The following SRD5A3 variants were observed in gnomAD, a reference collection of about 807,000 sequenced individuals.
The protein encoded by SRD5A3 is polyprenal reductase.
In SRD5A3, 24 loss-of-function variants were observed where a neutral mutation model predicts 34.3. That is an observed-to-expected ratio of 0.70 (90% CI 0.51 to 0.99). SRD5A3 has a LOEUF of 0.99. Ranked by LOEUF, SRD5A3 falls within the 50% of genes least tolerant of loss-of-function variation. The pLI, the probability that SRD5A3 is intolerant of heterozygous loss-of-function variation, is 0.00. For missense variants in SRD5A3, 350 were observed against 388.2 expected (o/e 0.90, Z 0.83); for synonymous variants, 161 against 167.3 (o/e 0.96, Z 0.29).
intron 4 of SRD5A3, among the ~76,000 whole-genome samples, chr4:55,369,341 A>G (rs193040513): frequency 2.0e-5 from 3 of 152,326 alleles, no homozygotes; most frequent in African/African-American, 7.2e-5. Context: ...GACAGTTGAC[A>G]ATTTAACCTA....
chr4:55,362,360 T>A (rs1719718022), intron 2 of SRD5A3, among the ~76,000 whole-genome samples: 1 of 152,046 alleles, frequency 6.6e-6, no homozygotes, highest in South Asian at 2.1e-4. Flanking sequence ...ACTCCTGACC[T>A]TGTGATCCGC....
intron 3 of SRD5A3, chr4:55,364,896 T>C (rs887024931): frequency 2.6e-5 from 4 of 153,564 alleles, no homozygotes; most frequent in African/African-American, 7.2e-5. Context: ...GTAGTGAAAA[T>C]TGTGTTTTAG....
chr4:55,351,882 A>G, intron 1 of SRD5A3: 4 of 633,842 alleles, frequency 6.3e-6, no homozygotes, highest in South Asian at 5.5e-5. Context: ...AATGTACATG[A>G]CAGGAACTCC....
chr4:55,357,324 G>A (rs1247917505), intron 1 of SRD5A3, among the ~76,000 whole-genome samples: 1 of 152,188 alleles, frequency 6.6e-6, no homozygotes, highest in Non-Finnish European at 1.5e-5. Flanking sequence ...GTAAATATTT[G>A]TGAAAAAATT....
At chr4:55,350,282 A>G (rs934855605) in intron 1 of SRD5A3, among the ~76,000 whole-genome samples, 1 of 152,200 alleles carries the variant, frequency 6.6e-6, no homozygotes, top group Non-Finnish European at 1.5e-5. Context: ...AGGTAGGAGA[A>G]TAGCTTGAAC....
chr4:55,362,842 C>CT (rs757066208), intron 2 of SRD5A3, among the ~76,000 whole-genome samples: 1,491 of 127,918 alleles, frequency 0.012, 17 homozygotes, highest in Middle Eastern at 0.037. Context: ...GTGTGTGAGA[C>CT]TTTTTTTTTT....
intron 3 of SRD5A3, chr4:55,366,656 T>C (rs1029521390): frequency 2.0e-5 from 3 of 152,240 alleles, no homozygotes; most frequent in South Asian, 2.1e-4. Flanking sequence ...GAGGTGGCCA[T>C]GTGGAATTGC....
At chr4:55,354,024 A>G (rs1719324151) in intron 1 of SRD5A3, among the ~76,000 whole-genome samples, 1 of 152,242 alleles carries the variant, frequency 6.6e-6, no homozygotes. Context: ...GCCAGAACTC[A>G]GTAAACATTA....
At chr4:55,350,842 A>G (rs1312336703) in intron 1 of SRD5A3, among the ~76,000 whole-genome samples, 1 of 148,044 alleles carries the variant, frequency 6.8e-6, no homozygotes, top group African/African-American at 2.5e-5. Context: ...CGCTCACTGC[A>G]ACTTCCACCT....
intron 2 of SRD5A3, 119 bp from the exon 3 acceptor site, chr4:55,363,955 T>TA: frequency 9.5e-7 from 1 of 1,052,072 alleles, no homozygotes; most frequent in Non-Finnish European, 1.5e-6. Flanking sequence ...ATTTCTTCCT[T>TA]ACTACCAAAA....
At chr4:55,357,920 T>C (rs1298694822) in intron 1 of SRD5A3, among the ~76,000 whole-genome samples, 1 of 152,146 alleles carries the variant, frequency 6.6e-6, no homozygotes. Flanking sequence ...TGGGTTGCCA[T>C]GGAATGATCA....
chr4:55,346,721 A>T (rs1719013608), intron 1 of SRD5A3, among the ~76,000 whole-genome samples, 164 bp downstream of exon 1: 2 of 151,884 alleles, frequency 1.3e-5, no homozygotes, highest in African/African-American at 4.9e-5. Flanking sequence ...GGCCCCGGCC[A>T]TGCCCCGGCT....
At chr4:55,350,282 A>C (rs934855605) in intron 1 of SRD5A3, among the ~76,000 whole-genome samples, 1 of 152,200 alleles carries the variant, frequency 6.6e-6, no homozygotes, top group Non-Finnish European at 1.5e-5. Flanking sequence ...AGGTAGGAGA[A>C]TAGCTTGAAC....
At chr4:55,351,572 G>A (rs544463043) in intron 1 of SRD5A3, among the ~76,000 whole-genome samples, 3 of 151,716 alleles carry the variant, frequency 2.0e-5, no homozygotes, top group African/African-American at 7.3e-5. Flanking sequence ...CAGGACAATC[G>A]CCAGAACCTG....
At chr4:55,356,051 G>A (rs943409394) in intron 1 of SRD5A3, among the ~76,000 whole-genome samples, 1 of 109,108 alleles carries the variant, frequency 9.2e-6, no homozygotes, top group Non-Finnish European at 1.7e-5. Context: ...CTCAGTCTTC[G>A]AGGCTGGAGT....
rs1246583871 is a variant in SRD5A3 at position 55,363,992 on chromosome 4, C to T, written c.365-82C>T. ...GAAAGATGTTAGATGGGATTTAATA[C>T]TTTGCTTAACAGTACAGAAAAACAA... is the stretch of plus-strand genomic sequence containing the variant. On this transcript the variant is annotated intron_variant, in intron 2 of 4. Coordinates refer to ENST00000264228, the MANE Select transcript of SRD5A3 (RefSeq NM_024592.5). 14 of 1,386,910 alleles carry T rather than the reference C, an allele frequency of 1.0e-5. No homozygotes were observed. In the Admixed American group the frequency reaches 2.3e-4, roughly 23 times the overall value. 85.9% of individuals were successfully genotyped at this position (1,386,910 alleles called of 1,614,324 possible).
At chr4:55,368,215 A>G (rs1212048768) in intron 4 of SRD5A3, among the ~76,000 whole-genome samples, 1 of 151,684 alleles carries the variant, frequency 6.6e-6, no homozygotes, top group East Asian at 2.0e-4. Context: ...CGTCTCTTCT[A>G]AAAATACAAA....
At chr4:55,365,311 G>A (rs1212468216) in intron 3 of SRD5A3, among the ~76,000 whole-genome samples, 2 of 152,256 alleles carry the variant, frequency 1.3e-5, no homozygotes, top group South Asian at 2.1e-4. Context: ...CGTGAAAGTC[G>A]TCTCTCTGTT....
At position 55,372,435 on chromosome 4, in the gene SRD5A3, C is replaced by T. The variant is rs570863420; in HGVS notation, c.*2344C>T. On this transcript the variant is annotated 3_prime_UTR_variant, in exon 5 of 5. Coordinates refer to ENST00000264228, the MANE Select transcript of SRD5A3 (RefSeq NM_024592.5). Reference sequence around the variant, plus strand: ...CATCCCTTTTCCTTCTTTGCCCAAACATCATATTTCTAGGCAAAGATAAGA... The same window carrying T: ...CATCCCTTTTCCTTCTTTGCCCAAATATCATATTTCTAGGCAAAGATAAGA... 1.3e-5 allele frequency: 2 copies of T among 152,308 alleles called. No individual in the cohort carries two copies. The highest frequency in any genetic ancestry group is 2.1e-4 in the South Asian group (1 of 4,828). The allele number at this position is 152,308 out of a possible 1,614,324, so 9.4% of individuals were successfully genotyped here. A position where few individuals can be genotyped will look rare whatever the true frequency, so the allele number is the denominator to read the frequency against.
Sources: allele counts gnomAD v4.1 joint callset (sites outside exome capture counted in the v4.1 genomes callset), GRCh38; gene constraint gnomAD v4.1.1; transcripts MANE v1.5; gene names NCBI Gene and HGNC (gene_info 2026-07-23, HGNC 2026-07-21).